ARHGAP20: variants seen among roughly 807,000 people sequenced by gnomAD.
ARHGAP20 encodes rho GTPase-activating protein 20.
ARHGAP20 carries 34 observed loss-of-function variants against 73.7 expected under a neutral mutation model. The observed-to-expected ratio is 0.46, with a 90% CI of 0.35 to 0.61. The LOEUF is 0.61. Ranked by LOEUF, ARHGAP20 falls within the 20% of genes least tolerant of loss-of-function variation. The pLI, the probability that ARHGAP20 is intolerant of heterozygous loss-of-function variation, is 0.00. For missense variants in ARHGAP20, 1,314 were observed against 1,420.9 expected (o/e 0.92, Z 1.21); for synonymous variants, 523 against 518.2 (o/e 1.01, Z -0.13).
intron 2 of ARHGAP20, among the ~76,000 whole-genome samples, chr11:110,674,271 G>T (rs1949887475): frequency 6.6e-6 from 1 of 152,108 alleles, no homozygotes; most frequent in Non-Finnish European, 1.5e-5. Flanking sequence ...ATCTTTATTT[G>T]TAAAATGAAA....
At chr11:110,587,707 G>A (rs1565423832) in intron 11 of ARHGAP20, among the ~76,000 whole-genome samples, 2 of 152,138 alleles carry the variant, frequency 1.3e-5, no homozygotes, top group Non-Finnish European at 2.9e-5. Flanking sequence ...AACTGTAACT[G>A]AGATTTTAAG....
Position 110,578,694 on chromosome 11 carries a change from AAAAAC to A in ARHGAP20, c.*671_*675del. 1 of 985,442 alleles carries A rather than the reference AAAAAC, an allele frequency of 1.0e-6. No individual in the cohort carries two copies. Among genetic ancestry groups the A allele is most frequent in the African/African-American group, 1.7e-5 (1 of 57,356 alleles). 61.0% of individuals were successfully genotyped at this position (985,442 alleles called of 1,614,324 possible). On this transcript the variant is annotated 3_prime_UTR_variant, in exon 15 of 15. Transcript: ENST00000683387. The stretch of plus-strand genomic sequence containing the variant: ...TTGCAAAGCACTTCAACATGAATGA[AAAAAC>A]AAACCGACAAATACAACCAACAAAA...
At chr11:110,660,475 G>T (rs1489963049) in intron 2 of ARHGAP20, among the ~76,000 whole-genome samples, 1 of 152,154 alleles carries the variant, frequency 6.6e-6, no homozygotes, top group Admixed American at 6.5e-5. Flanking sequence ...GAATCTGCAG[G>T]TTTAACTTGG....
intron 1 of ARHGAP20, among the ~76,000 whole-genome samples, chr11:110,698,373 ATAGT>A (rs1233124455): frequency 1.3e-5 from 2 of 151,748 alleles, no homozygotes; most frequent in African/African-American, 4.8e-5. Context: ...ATATTAGCCT[ATAGT>A]TTTTGTTTTC....
At chr11:110,585,095 A>C (rs1947622712) in intron 12 of ARHGAP20, among the ~76,000 whole-genome samples, 1 of 149,448 alleles carries the variant, frequency 6.7e-6, no homozygotes, top group African/African-American at 2.4e-5. Flanking sequence ...ATATATGTGA[A>C]TATATGAATA....
chr11:110,666,722 AC>A (rs1437539594), intron 2 of ARHGAP20, among the ~76,000 whole-genome samples: 1 of 152,240 alleles, frequency 6.6e-6, no homozygotes, highest in Non-Finnish European at 1.5e-5. Flanking sequence ...CATATTTCAA[AC>A]ATTTTCATTA....
intron 9 of ARHGAP20, among the ~76,000 whole-genome samples, chr11:110,596,145 A>C (rs1947953449): frequency 6.6e-6 from 1 of 152,198 alleles, no homozygotes; most frequent in Admixed American, 6.5e-5. Context: ...AAATTAATTC[A>C]AGATGGATTA....
intron 2 of ARHGAP20, among the ~76,000 whole-genome samples, chr11:110,660,936 C>T (rs1223928065): frequency 6.6e-6 from 1 of 152,202 alleles, no homozygotes; most frequent in East Asian, 1.9e-4. Flanking sequence ...CACTTTTACA[C>T]TCGTCATTCA....
chr11:110,610,822 A>G (rs144457551), intron 7 of ARHGAP20, among the ~76,000 whole-genome samples: 6 of 152,254 alleles, frequency 3.9e-5, no homozygotes, highest in East Asian at 1.9e-4. Context: ...TAGCCATATC[A>G]TCCTTAGGAC....
chr11:110,606,544 T>G lies in ARHGAP20; in HGVS notation c.964+17A>C. 2.5e-6 allele frequency: 4 copies of G among 1,598,096 alleles called. No homozygotes were observed. Among genetic ancestry groups the G allele is most frequent in the Non-Finnish European group, 2.6e-6 (3 of 1,174,946 alleles). Reference sequence around the variant, plus strand: ...ATTTATGTTCAAGAACGAAAACTTTTGCTAGAAGCAACTCACCACTCAGTT... The same window carrying G: ...ATTTATGTTCAAGAACGAAAACTTTGGCTAGAAGCAACTCACCACTCAGTT... On this transcript the variant is annotated intron_variant, in intron 9 of 14. Transcript: ENST00000683387.
intron 2 of ARHGAP20, among the ~76,000 whole-genome samples, chr11:110,664,016 A>G (rs1210962273): frequency 6.6e-6 from 1 of 152,228 alleles, no homozygotes; most frequent in African/African-American, 2.4e-5. Flanking sequence ...CTCAATAGGT[A>G]GTGATGGTGA....
rs754323803 is a variant in ARHGAP20, at chr11:110,579,503, T to C, written c.3443A>G (p.Gln1148Arg). The change falls in exon 15 of 15, where the codon CAG becomes CGG. Residue 1148 changes from glutamine to arginine, a missense_variant. Gln to Arg is a conservative substitution (Grantham distance 43). Coordinates refer to ENST00000683387, the MANE Select transcript of ARHGAP20 (RefSeq NM_001384657.1). ...CCAAGGCAGAGAACCAGAAGAGCTC[T>C]GACTACCAGGCTCTATTTCCTCATG... ...KSHEEIEPGSQSSSGSLPWER... is the reference protein window; with the variant it reads ...KSHEEIEPGSRSSSGSLPWER... 5.6e-6 allele frequency: 9 copies of C among 1,614,196 alleles called. No homozygotes were observed. In the South Asian group the frequency reaches 9.9e-5, roughly 18 times the overall value.
intron 2 of ARHGAP20, among the ~76,000 whole-genome samples, chr11:110,680,710 G>C (rs987459521): frequency 9.2e-5 from 14 of 152,214 alleles, no homozygotes; most frequent in Non-Finnish European, 1.8e-4. Flanking sequence ...CTAGAATGTG[G>C]AGAGACTAAA....
chr11:110,661,882 A>G (rs1411221027), intron 2 of ARHGAP20, among the ~76,000 whole-genome samples: 1 of 151,906 alleles, frequency 6.6e-6, no homozygotes, highest in East Asian at 1.9e-4. Context: ...GCAATGTAGA[A>G]AAAATACAAA....
At chr11:110,655,891 T>A (rs2135026873) in intron 2 of ARHGAP20, among the ~76,000 whole-genome samples, 1 of 152,334 alleles carries the variant, frequency 6.6e-6, no homozygotes, top group South Asian at 2.1e-4. Context: ...AATAGGTGTC[T>A]AAGATCAGGG....
Position 110,586,224 on chromosome 11 carries a change from A to G in ARHGAP20, c.1407T>C (p.Thr469=), listed in dbSNP as rs749345897. The G allele has an allele frequency of 6.7e-7, 1 of 1,482,496 alleles. No individual in the cohort carries two copies. The highest frequency in any genetic ancestry group is 1.4e-5 in the South Asian group (1 of 68,982). 91.8% of individuals were successfully genotyped at this position (1,482,496 alleles called of 1,614,324 possible). ...CAAATTAGAATAATTACCTTTGAAC[A>G]GTATTTATTTTCTCTTCATCATTTC... ...DQGNDEEKIN[T]VQRLLDQLPR... is the part of the protein sequence containing the mutation. The change falls in exon 12 of 15, where the codon ACT becomes ACC. Residue 469 remains threonine (T), a synonymous_variant. Transcript: ENST00000683387.
intron 2 of ARHGAP20, among the ~76,000 whole-genome samples, chr11:110,680,391 T>C (rs1391730389): frequency 1.3e-5 from 2 of 152,058 alleles, no homozygotes. Flanking sequence ...TTCAAGGTTC[T>C]GAAGGAAGGT....
rs200417489 is a variant in ARHGAP20 at position 110,579,440 on chromosome 11, G to A, written c.3506C>T (p.Ala1169Val). 191 of 1,613,832 alleles carry A rather than the reference G, an allele frequency of 1.2e-4. 1 individual carries two copies. The highest frequency in any genetic ancestry group is 2.8e-4 in the Admixed American group (17 of 60,018). ...TGTAGGCCCTGAGTCTGGGCTGGTC[G>A]CATCCTCTAGAGTCCAAGAGCTGGC... ...ASASSWTLED[A>V]TSPDSGPTVV... is the part of the protein sequence containing the mutation. The change falls in exon 15 of 15, where the codon GCG (alanine) becomes GTG (valine). Residue 1169 changes from alanine (A) to valine (V), a missense_variant. Physicochemically the swap from Ala to Val is moderately conservative, Grantham distance 64. Transcript: ENST00000683387.
At chr11:110,659,009 G>A (rs144761104) in intron 2 of ARHGAP20, among the ~76,000 whole-genome samples, 4,253 of 151,748 alleles carry the variant, frequency 0.028, 107 homozygotes, top group African/African-American at 0.065. Context: ...GAATAATGCC[G>A]CAATAAACAT....
Sources: gnomAD v4.1 joint callset for allele counts (sites outside exome capture counted in the v4.1 genomes callset) on GRCh38, gnomAD v4.1.1 for gene constraint, MANE v1.5 for transcripts, NCBI Gene and HGNC (gene_info 2026-07-23, HGNC 2026-07-21) for gene names.